Variants in LAMA2 observed in about 807,000 individuals in gnomAD.
LAMA2 encodes laminin subunit alpha-2.
A neutral mutation model predicts 364.8 loss-of-function variants in LAMA2; 269 were observed. The observed-to-expected ratio is 0.74, with a 90% CI of 0.67 to 0.82. The LOEUF (loss-of-function observed/expected upper bound fraction) is 0.82, where lower values mean the gene tolerates loss of function less well. LAMA2 is among the 40% of genes least tolerant of loss of function. The probability of loss-of-function intolerance (pLI) is 0.00; values close to 1 mark genes in which losing one functional copy is unlikely to be tolerated. For missense variants in LAMA2, 3,807 were observed against 3,873.2 expected, an observed-to-expected ratio of 0.98 and a Z score of 0.45; for synonymous variants, 1,379 against 1,370.6, an observed-to-expected ratio of 1.01 and a Z score of -0.14.
intron 51 of LAMA2, among the ~76,000 whole-genome samples, chr6:129,471,860 T>C (rs755061315): frequency 6.6e-6 from 1 of 151,928 alleles, no homozygotes; most frequent in African/African-American, 2.4e-5. Context: ...GGTATGTGTA[T>C]TTTAGTCCTT....
chr6:128,967,358 A>G (rs1781908432), intron 1 of LAMA2, among the ~76,000 whole-genome samples: 1 of 152,258 alleles, frequency 6.6e-6, no homozygotes, highest in Non-Finnish European at 1.5e-5. Flanking sequence ...AAAGAAAGAC[A>G]CAAGGGAACA....
intron 4 of LAMA2, among the ~76,000 whole-genome samples, chr6:129,141,746 G>T (rs1217646907): frequency 6.6e-6 from 1 of 151,984 alleles, no homozygotes; most frequent in Non-Finnish European, 1.5e-5. Flanking sequence ...ATTCCAGTGG[G>T]TGACCTTGAG....
intron 1 of LAMA2, among the ~76,000 whole-genome samples, chr6:128,910,198 G>A: frequency 6.6e-6 from 1 of 152,112 alleles, no homozygotes; most frequent in Non-Finnish European, 1.5e-5. Context: ...TGCTAGATTG[G>A]GGAAGTTCTC....
At chr6:128,943,810 C>T (rs941324968) in intron 1 of LAMA2, among the ~76,000 whole-genome samples, 1 of 152,114 alleles carries the variant, frequency 6.6e-6, no homozygotes, top group Non-Finnish European at 1.5e-5. Context: ...ATAGTAGGTC[C>T]TTCAGACAGG....
intron 8 of LAMA2, among the ~76,000 whole-genome samples, chr6:129,164,028 T>C (rs9492255): frequency 0.019 from 2,930 of 152,310 alleles, 112 homozygotes; most frequent in African/African-American, 0.066. Context: ...TATCAACTTC[T>C]TTTTTTAATA....
chr6:129,158,278 G>C, intron 8 of LAMA2: 1 of 1,614,082 alleles, frequency 6.2e-7, no homozygotes. Flanking sequence ...TGGCGCATTA[G>C]CACAGTTTGG....
intron 1 of LAMA2, among the ~76,000 whole-genome samples, chr6:128,977,482 C>A (rs1234397038): frequency 1.3e-5 from 2 of 152,070 alleles, no homozygotes; most frequent in Non-Finnish European, 2.9e-5. Context: ...AGGCTGCTCT[C>A]AAACTCCTGG....
At chr6:128,962,185 T>TATATATATATATACACACACAC (rs1214826895) in intron 1 of LAMA2, among the ~76,000 whole-genome samples, 11 of 103,916 alleles carry the variant, frequency 1.1e-4, no homozygotes, top group African/African-American at 3.7e-4. Context: ...TATATATATA[T>TATATATATATATACACACACAC]ACACACATAC....
intron 1 of LAMA2, among the ~76,000 whole-genome samples, chr6:128,921,844 C>T (rs1778756092): frequency 6.8e-6 from 1 of 146,962 alleles, no homozygotes; most frequent in Non-Finnish European, 1.5e-5. Flanking sequence ...TCTCCCAATG[C>T]TATCCCTTCC....
chr6:128,989,385 C>T (rs1007835431), intron 1 of LAMA2, among the ~76,000 whole-genome samples: 13 of 152,146 alleles, frequency 8.5e-5, no homozygotes, highest in African/African-American at 3.1e-4. Flanking sequence ...ATGTATAAAA[C>T]ATCAATTTAT....
At chr6:129,399,247 AT>A (rs1378476951) in intron 37 of LAMA2, among the ~76,000 whole-genome samples, 1 of 152,264 alleles carries the variant, frequency 6.6e-6, no homozygotes, top group Non-Finnish European at 1.5e-5. Flanking sequence ...GAAGAACAAA[AT>A]AAGGTAATTA....
intron 31 of LAMA2, 65 bp downstream of exon 31, chr6:129,349,449 T>C: frequency 1.7e-6 from 2 of 1,203,818 alleles, no homozygotes; most frequent in South Asian, 1.2e-5. Flanking sequence ...AGGGTCACAA[T>C]AGGAAAACAT....
chr6:129,446,555 G>C (rs1782394451), intron 45 of LAMA2, among the ~76,000 whole-genome samples: 1 of 54,818 alleles, frequency 1.8e-5, no homozygotes, highest in African/African-American at 7.2e-5. Context: ...GAGGGGAGGG[G>C]AGGGGAGGGG....
intron 3 of LAMA2, among the ~76,000 whole-genome samples, chr6:129,070,246 C>T (rs1773224999): frequency 6.6e-6 from 1 of 152,104 alleles, no homozygotes; most frequent in Non-Finnish European, 1.5e-5. Context: ...GAGCATAGCA[C>T]ACTGCTGCAC....
chr6:128,937,574 G>T lies in LAMA2; in HGVS notation c.112+54217G>T, dbSNP rs115721764. Among the ~76,000 whole-genome samples, 396 of 151,970 alleles carry T rather than the reference G, an allele frequency of 2.6e-3. 1 individual carries two copies. Among genetic ancestry groups the T allele is most frequent in the African/African-American group, 8.8e-3 (367 of 41,498 alleles). On this transcript the variant is annotated intron_variant, in intron 1 of 64. Coordinates refer to ENST00000421865, the MANE Select transcript of LAMA2 (RefSeq NM_000426.4). ...CTTTATCAACTTCTTGTAGGTTATT[G>T]TATTTATTGGTGTATAATTGTTCAT...
At chr6:129,467,531 A>G (rs1406599588) in intron 51 of LAMA2, among the ~76,000 whole-genome samples, 1 of 151,920 alleles carries the variant, frequency 6.6e-6, no homozygotes, top group African/African-American at 2.4e-5. Flanking sequence ...AAAAATAAAA[A>G]TAAAGACATT....
At chr6:129,289,122 TCAAAAC>T (rs1186438609) in intron 19 of LAMA2, among the ~76,000 whole-genome samples, 4 of 152,210 alleles carry the variant, frequency 2.6e-5, no homozygotes, top group Admixed American at 6.5e-5. Flanking sequence ...ATTCATTGAA[TCAAAAC>T]CAAATCACTT....
At chr6:129,124,898 G>T (rs1777025066) in intron 4 of LAMA2, among the ~76,000 whole-genome samples, 1 of 152,156 alleles carries the variant, frequency 6.6e-6, no homozygotes, top group Non-Finnish European at 1.5e-5. Context: ...AGCTGTGTTG[G>T]ATTGATGTCA....
At chr6:129,452,350 AAATAC>A (rs1279704778) in intron 45 of LAMA2, among the ~76,000 whole-genome samples, 1 of 152,224 alleles carries the variant, frequency 6.6e-6, no homozygotes, top group East Asian at 1.9e-4. Flanking sequence ...GGGAGCTGTT[AAATAC>A]ATTAATAGTG....
Sources: allele counts gnomAD v4.1 joint callset (sites outside exome capture counted in the v4.1 genomes callset), GRCh38; gene constraint gnomAD v4.1.1; transcripts MANE v1.5; gene names NCBI Gene and HGNC (gene_info 2026-07-23, HGNC 2026-07-21).